Variants in DLG2 observed in about 807,000 individuals in gnomAD.
DLG2 encodes the protein disks large homolog 2.
DLG2 carries 45 observed loss-of-function variants against 132.5 expected under a neutral mutation model. The ratio of observed to expected loss-of-function variants is 0.34; its 90% CI spans 0.27 to 0.44. The LOEUF is 0.44. Ranked by LOEUF, DLG2 falls within the 20% of genes least tolerant of loss-of-function variation. The pLI is 1.00. For missense variants in DLG2, 1,045 were observed against 1,196.9 expected, an observed-to-expected ratio of 0.87 and a Z score of 1.87; for synonymous variants, 424 against 419.6, an observed-to-expected ratio of 1.01 and a Z score of -0.13.
At chr11:84,847,268 G>A (rs2154019038) in intron 6 of DLG2, among the ~76,000 whole-genome samples, 1 of 152,258 alleles carries the variant, frequency 6.6e-6, no homozygotes, top group East Asian at 1.9e-4. Context: ...AGAAAAGTGG[G>A]GGAGCACTGC....
intron 19 of DLG2, among the ~76,000 whole-genome samples, chr11:83,596,129 G>A (rs1267842268): frequency 6.6e-6 from 1 of 152,194 alleles, no homozygotes; most frequent in East Asian, 1.9e-4. Flanking sequence ...AAAACAACAA[G>A]ATTTAAGATT....
At chr11:85,400,631 A>G (rs2087967837) in intron 3 of DLG2, among the ~76,000 whole-genome samples, 2 of 145,048 alleles carry the variant, frequency 1.4e-5, no homozygotes, top group East Asian at 4.0e-4. Context: ...TTTCCTTTGT[A>G]GGGACATGGA....
chr11:84,546,749 G>T (rs1164531816), intron 6 of DLG2: 3 of 399,390 alleles, frequency 7.5e-6, no homozygotes, highest in East Asian at 1.2e-4. Context: ...GCTCACAATG[G>T]CTCTTCAGAC....
chr11:85,039,609 C>A (rs1261355113), intron 6 of DLG2, among the ~76,000 whole-genome samples: 10 of 151,680 alleles, frequency 6.6e-5, no homozygotes, highest in African/African-American at 2.2e-4. Context: ...ATGGTTTCTG[C>A]AAAACAGTAC....
At chr11:84,884,056 T>C (rs1456831431) in intron 6 of DLG2, among the ~76,000 whole-genome samples, 1 of 152,090 alleles carries the variant, frequency 6.6e-6, no homozygotes, top group Non-Finnish European at 1.5e-5. Flanking sequence ...CAATAACAAA[T>C]AAAGGATTCT....
intron 6 of DLG2, among the ~76,000 whole-genome samples, chr11:84,868,177 A>G (rs534632512): frequency 6.1e-5 from 9 of 148,144 alleles, no homozygotes; most frequent in East Asian, 5.9e-4. Context: ...TATTATTATT[A>G]TTGTTATGGA....
chr11:83,702,009 G>C (rs961609263), intron 18 of DLG2, among the ~76,000 whole-genome samples: 1 of 152,218 alleles, frequency 6.6e-6, no homozygotes, highest in Admixed American at 6.5e-5. Context: ...TATTATAGTA[G>C]AAAGATAATT....
intron 4 of DLG2, among the ~76,000 whole-genome samples, chr11:85,267,449 C>T (rs1371842774): frequency 1.3e-5 from 2 of 152,186 alleles, no homozygotes; most frequent in Admixed American, 6.5e-5. Context: ...TTCTTCTAGA[C>T]CATCACCTCC....
chr11:85,026,710 G>A lies in DLG2; in HGVS notation c.357+84951C>T, dbSNP rs545305052. On this transcript the variant is annotated intron_variant, in intron 6 of 27. Transcript: ENST00000376104. ...AAATTAGCCGGGCGTGGTGGCGGGCGCCTGTAGTCCCAGCTACTCAGGAGG... is the reference window on the plus strand; with the variant it reads ...AAATTAGCCGGGCGTGGTGGCGGGCACCTGTAGTCCCAGCTACTCAGGAGG... Among the ~76,000 whole-genome samples the A allele has an allele frequency of 1.4e-4, 22 of 152,060 alleles. No homozygotes were observed. The East Asian group carries it at 1.9e-3, about 13-fold the overall frequency.
chr11:84,892,946 A>G (rs919790760), intron 6 of DLG2, among the ~76,000 whole-genome samples: 2 of 152,170 alleles, frequency 1.3e-5, no homozygotes, highest in Admixed American at 6.6e-5. Context: ...CAGCCCCCCA[A>G]GAACCCTCAA....
chr11:83,716,183 T>C (rs924884753), intron 18 of DLG2, among the ~76,000 whole-genome samples: 1 of 152,234 alleles, frequency 6.6e-6, no homozygotes, highest in Non-Finnish European at 1.5e-5. Context: ...CGTGTTTTTT[T>C]GTTTGTTTTT....
intron 9 of DLG2, among the ~76,000 whole-genome samples, chr11:84,130,524 A>G (rs1188640204): frequency 9.7e-5 from 12 of 123,902 alleles, no homozygotes; most frequent in African/African-American, 2.9e-4. Context: ...ACACACACAC[A>G]TATATGTGTG....
chr11:83,725,765 G>A (rs2089879224), intron 18 of DLG2, among the ~76,000 whole-genome samples: 1 of 152,192 alleles, frequency 6.6e-6, no homozygotes, highest in African/African-American at 2.4e-5. Flanking sequence ...TTTGATGTGT[G>A]CTATATATGC....
At chr11:85,586,535 G>A (rs1381676788) in intron 3 of DLG2, among the ~76,000 whole-genome samples, 5 of 152,090 alleles carry the variant, frequency 3.3e-5, no homozygotes, top group South Asian at 2.1e-4. Flanking sequence ...TTGTATTTCC[G>A]TGGTATCAGT....
chr11:83,937,972 A>G (rs1362538709), intron 14 of DLG2, among the ~76,000 whole-genome samples: 1 of 152,234 alleles, frequency 6.6e-6, no homozygotes, highest in African/African-American at 2.4e-5. Context: ...CTAGTGTGCT[A>G]TCTGAAGAAG....
At chr11:83,586,039 T>G (rs1358556162) in intron 19 of DLG2, among the ~76,000 whole-genome samples, 1 of 152,222 alleles carries the variant, frequency 6.6e-6, no homozygotes, top group Non-Finnish European at 1.5e-5. Context: ...AATAAGATTT[T>G]GAGAGTGGGC....
chr11:85,032,445 T>C (rs1486350554), intron 6 of DLG2, among the ~76,000 whole-genome samples: 1 of 152,204 alleles, frequency 6.6e-6, no homozygotes, highest in Admixed American at 6.5e-5. Context: ...AGAATGAATA[T>C]ATGGCAAATA....
At chr11:85,529,975 T>G (rs2075069929) in intron 3 of DLG2, among the ~76,000 whole-genome samples, 1 of 150,142 alleles carries the variant, frequency 6.7e-6, no homozygotes, top group Admixed American at 6.7e-5. Context: ...TAGATCTGCC[T>G]AGAGAGGGTT....
chr11:85,122,364 G>T (rs1385657585), intron 5 of DLG2, among the ~76,000 whole-genome samples: 1 of 152,196 alleles, frequency 6.6e-6, no homozygotes, highest in African/African-American at 2.4e-5. Context: ...TATCAAGCTA[G>T]GAAGTTGAGA....
Sources: allele counts gnomAD v4.1 joint callset (sites outside exome capture counted in the v4.1 genomes callset), GRCh38; gene constraint gnomAD v4.1.1; transcripts MANE v1.5; gene names NCBI Gene and HGNC (gene_info 2026-07-23, HGNC 2026-07-21).